The following MGAT5 variants were observed in gnomAD, a reference collection of about 807,000 sequenced individuals.
MGAT5 encodes alpha-1,6-mannosylglycoprotein 6-beta-N-acetylglucosaminyltransferase, also known as alpha-1,6-mannosylglycoprotein 6-beta-N-acetylglucosaminyltransferase A.
In MGAT5, 30 loss-of-function variants were observed where a neutral mutation model predicts 94.3. The observed-to-expected ratio is 0.32, with a 90% CI of 0.24 to 0.43. MGAT5 has a LOEUF of 0.43. Among genes scored for constraint, MGAT5 ranks in the 20% least tolerant of loss-of-function variants. The probability of loss-of-function intolerance (pLI) is 1.00; values close to 1 mark genes in which losing one functional copy is unlikely to be tolerated. For synonymous variants in MGAT5, 310 were observed against 322.9 expected (o/e 0.96, Z 0.43); for missense variants, 691 against 905.5 (o/e 0.76, Z 3.04).
At chr2:134,233,632 C>CAA (rs1333540047) in intron 1 of MGAT5, among the ~76,000 whole-genome samples, 3 of 152,152 alleles carry the variant, frequency 2.0e-5, no homozygotes, top group Non-Finnish European at 2.9e-5. Context: ...TAGGTCCTTC[C>CAA]ACCTTACTCA....
upstream of MGAT5, among the ~76,000 whole-genome samples, chr2:134,251,854 C>T (rs934698635): frequency 1.3e-5 from 2 of 152,258 alleles, no homozygotes; most frequent in East Asian, 3.9e-4. Flanking sequence ...CTTATTCCTC[C>T]TAAATGTAAC....
At chr2:134,349,980 A>C (rs766739985) in intron 9 of MGAT5, 42 bp downstream of exon 9, 1 of 1,607,840 alleles carries the variant, frequency 6.2e-7, no homozygotes, top group Non-Finnish European at 8.5e-7. Context: ...GAATGCCACC[A>C]AAGATAGATG....
intron 1 of MGAT5, among the ~76,000 whole-genome samples, chr2:134,176,572 T>TA (rs66689362): frequency 0.37 from 31,054 of 83,156 alleles, 6,245 homozygotes; most frequent in Non-Finnish European, 0.45. Context: ...GACTCTGTCT[T>TA]AAAAAAAAAA....
chr2:134,271,312 C>G (rs1373423828), intron 2 of MGAT5, among the ~76,000 whole-genome samples: 1 of 151,890 alleles, frequency 6.6e-6, no homozygotes, highest in African/African-American at 2.4e-5. Context: ...GTTAGGGTGA[C>G]CACGATTTTC....
intron 1 of MGAT5, among the ~76,000 whole-genome samples, chr2:134,222,125 T>TTTAGTCTAAAA (rs1680805672): frequency 1.4e-5 from 2 of 146,748 alleles, no homozygotes; most frequent in South Asian, 4.4e-4. Context: ...TGAGATGGAG[T>TTTAGTCTAAAA]CAGGCCTAGG....
chr2:134,351,809 T>G (rs1365401025), intron 9 of MGAT5, among the ~76,000 whole-genome samples: 1 of 152,064 alleles, frequency 6.6e-6, no homozygotes, highest in Non-Finnish European at 1.5e-5. Context: ...GAGGGCTAAA[T>G]TACTAACATA....
chr2:134,399,492 A>T (rs991724038), intron 10 of MGAT5, among the ~76,000 whole-genome samples: 2 of 152,172 alleles, frequency 1.3e-5, no homozygotes, highest in African/African-American at 4.8e-5. Context: ...TTTAAGTTTT[A>T]ATCAGTTAGA....
At chr2:134,383,347 G>A (rs752284355) in intron 10 of MGAT5, among the ~76,000 whole-genome samples, 8 of 152,126 alleles carry the variant, frequency 5.3e-5, no homozygotes, top group Middle Eastern at 3.2e-3. Context: ...ACTCACCTGA[G>A]CATTTAATTT....
chr2:134,320,496 T>C (rs1161124515), intron 4 of MGAT5, among the ~76,000 whole-genome samples: 1 of 152,052 alleles, frequency 6.6e-6, no homozygotes, highest in African/African-American at 2.4e-5. Flanking sequence ...CTTTATGGAC[T>C]GGGGGAGGAA....
chr2:134,441,729 T>G, intron 14 of MGAT5, 29 bp from the exon 15 acceptor site: 1 of 1,595,974 alleles, frequency 6.3e-7, no homozygotes, highest in Non-Finnish European at 8.6e-7. Context: ...TCCTTGGACC[T>G]GTGGCTGATG....
intron 1 of MGAT5, among the ~76,000 whole-genome samples, chr2:134,237,178 G>T (rs1019018993): frequency 7.1e-6 from 1 of 141,076 alleles, no homozygotes; most frequent in Non-Finnish European, 1.5e-5. Flanking sequence ...TACCCTCTTG[G>T]TCTGTACTTG....
At chr2:134,162,215 C>T (rs1458873750) in intron 1 of MGAT5, among the ~76,000 whole-genome samples, 1 of 151,952 alleles carries the variant, frequency 6.6e-6, no homozygotes, top group Non-Finnish European at 1.5e-5. Flanking sequence ...CAAAATACAC[C>T]TGCTCTCCTT....
intron 9 of MGAT5, among the ~76,000 whole-genome samples, chr2:134,353,442 C>T (rs527265330): frequency 1.3e-5 from 2 of 151,756 alleles, no homozygotes; most frequent in East Asian, 3.9e-4. Flanking sequence ...GAGGAGAGTA[C>T]CTAAAGATTC....
intron 14 of MGAT5, among the ~76,000 whole-genome samples, 164 bp from the exon 15 acceptor site, chr2:134,441,594 A>G (rs1467516954): frequency 6.6e-6 from 1 of 152,146 alleles, no homozygotes; most frequent in Admixed American, 6.5e-5. Flanking sequence ...GGCTGAAGGC[A>G]TATTCCAGCT....
chr2:134,140,663 C>A (rs969628321), intron 1 of MGAT5, among the ~76,000 whole-genome samples: 3 of 152,238 alleles, frequency 2.0e-5, no homozygotes, highest in Admixed American at 6.5e-5. Flanking sequence ...TAAGCAGTCC[C>A]ATTGCTCCAA....
intron 4 of MGAT5, among the ~76,000 whole-genome samples, chr2:134,330,412 G>T (rs886613547): frequency 8.5e-5 from 13 of 152,050 alleles, no homozygotes; most frequent in African/African-American, 3.1e-4. Flanking sequence ...TGGTCAGAGA[G>T]GCAACAAATT....
chr2:134,185,425 G>A (rs1688957593), intron 1 of MGAT5, among the ~76,000 whole-genome samples: 1 of 152,174 alleles, frequency 6.6e-6, no homozygotes, highest in Admixed American at 6.5e-5. Context: ...TTTGCTGATT[G>A]CTGATGCAGG....
At chr2:134,181,508 T>A (rs780482437) in intron 1 of MGAT5, among the ~76,000 whole-genome samples, 11 of 152,206 alleles carry the variant, frequency 7.2e-5, no homozygotes, top group Non-Finnish European at 5.9e-5. Flanking sequence ...GGACACATTG[T>A]CTGTAGAGAC....
At chr2:134,349,602 G>C (rs561309866) in intron 8 of MGAT5, among the ~76,000 whole-genome samples, 3 of 152,318 alleles carry the variant, frequency 2.0e-5, no homozygotes, top group Non-Finnish European at 2.9e-5. Flanking sequence ...CGTATCTGCT[G>C]TGTGATGTCT....
Sources: allele counts gnomAD v4.1 joint callset (sites outside exome capture counted in the v4.1 genomes callset), GRCh38; gene constraint gnomAD v4.1.1; transcripts MANE v1.5; gene names NCBI Gene and HGNC (gene_info 2026-07-23, HGNC 2026-07-21).